CACNG4: variants seen among roughly 807,000 people sequenced by gnomAD.
CACNG4 encodes calcium voltage-gated channel auxiliary subunit gamma 4.
In CACNG4, 8 loss-of-function variants were observed where a neutral mutation model predicts 22.9. That is an observed-to-expected ratio of 0.35 (90% confidence interval 0.21 to 0.63). The LOEUF (loss-of-function observed/expected upper bound fraction) is 0.63. CACNG4 is among the 30% of genes least tolerant of loss of function. The pLI, the probability that CACNG4 is intolerant of heterozygous loss-of-function variation, is 0.72. For missense variants in CACNG4, 357 were observed against 455.4 expected (o/e 0.78, Z 1.97); for synonymous variants, 188 against 191.9 (o/e 0.98, Z 0.17).
intron 1 of CACNG4, among the ~76,000 whole-genome samples, chr17:67,007,352 AT>A (rs1204996826): frequency 6.6e-6 from 1 of 152,138 alleles, no homozygotes. Flanking sequence ...AGCATTTATT[AT>A]TTTTAGCCCC....
intron 1 of CACNG4, among the ~76,000 whole-genome samples, chr17:66,981,186 G>A (rs2035270232): frequency 6.6e-6 from 1 of 152,148 alleles, no homozygotes; most frequent in Non-Finnish European, 1.5e-5. Flanking sequence ...TTCTTAGCAA[G>A]AGTTTCAGTT....
At chr17:66,975,024 C>T (rs183717606) in intron 1 of CACNG4, among the ~76,000 whole-genome samples, 197 of 151,850 alleles carry the variant, frequency 1.3e-3, no homozygotes, top group Non-Finnish European at 2.3e-3. Context: ...CACGTCACCA[C>T]ATCCAACACG....
At chr17:67,024,503 G>A (rs1401467380) in intron 2 of CACNG4, among the ~76,000 whole-genome samples, 2 of 152,232 alleles carry the variant, frequency 1.3e-5, no homozygotes, top group African/African-American at 4.8e-5. Flanking sequence ...CGGAGACTGC[G>A]TTCATGCAAG....
At position 67,022,691 on chromosome 17, in the gene CACNG4, C is replaced by T. The variant is rs73997318; in HGVS notation, c.305-2169C>T. Among the ~76,000 whole-genome samples the T allele has an allele frequency of 3.8e-3, 576 of 152,374 alleles. 6 individuals carry two copies. The highest frequency in any genetic ancestry group is 0.013 in the African/African-American group (550 of 41,586). On this transcript the variant is annotated intron_variant, in intron 2 of 3. Transcript: ENST00000262138. The stretch of plus-strand genomic sequence containing the variant: ...GGGAGGGTGGCGCCTGCCAGTGCGG[C>T]CCGACTCACTGTCCCCTGCGGGGGC...
At chr17:66,990,766 C>T (rs963884391) in intron 1 of CACNG4, among the ~76,000 whole-genome samples, 4 of 152,016 alleles carry the variant, frequency 2.6e-5, no homozygotes, top group African/African-American at 7.2e-5. Context: ...CTGCAAGCTC[C>T]GCCTCACGGA....
At chr17:67,007,954 C>T (rs2035446950) in intron 1 of CACNG4, among the ~76,000 whole-genome samples, 2 of 152,126 alleles carry the variant, frequency 1.3e-5, no homozygotes. Context: ...AGGAGTGGCT[C>T]ACGTCACTTC....
Position 66,984,917 on chromosome 17 carries a change from T to C in CACNG4, c.220+19786T>C, listed in dbSNP as rs185543216. The stretch of plus-strand genomic sequence containing the variant: ...GCTGACAACAAGCCCAGTGTCATTC[T>C]GCTCACCTCGACCTCATCCTTGGGG... On this transcript the variant is annotated intron_variant, in intron 1 of 3. Coordinates refer to ENST00000262138, the MANE Select transcript of CACNG4 (RefSeq NM_014405.4). The surrounding 1 kb of genome is among the most constrained non-coding windows in gnomAD (Gnocchi z 4.0). Among the ~76,000 whole-genome samples, 55 of 152,314 alleles carry C rather than the reference T, an allele frequency of 3.6e-4. No individual in the cohort carries two copies. Among genetic ancestry groups the C allele is most frequent in the Admixed American group, 2.7e-3 (42 of 15,300 alleles).
intron 1 of CACNG4, among the ~76,000 whole-genome samples, chr17:67,017,832 C>T (rs959122236): frequency 2.6e-5 from 4 of 151,996 alleles, no homozygotes; most frequent in Non-Finnish European, 5.9e-5. Flanking sequence ...TTATTTTTTT[C>T]AAGATGCGGC....
intron 1 of CACNG4, among the ~76,000 whole-genome samples, chr17:66,985,590 C>A (rs2035300783): frequency 6.6e-6 from 1 of 152,152 alleles, no homozygotes; most frequent in African/African-American, 2.4e-5. Context: ...TGTAAGAGTT[C>A]CCCAGGCAGG....
At chr17:66,980,382 C>T (rs759152648) in intron 1 of CACNG4, among the ~76,000 whole-genome samples, 11 of 152,120 alleles carry the variant, frequency 7.2e-5, no homozygotes, top group South Asian at 2.1e-4. Flanking sequence ...AAAGCTGTGT[C>T]GTGAGAGGCC....
At chr17:67,009,852 T>G (rs1210620654) in intron 1 of CACNG4, among the ~76,000 whole-genome samples, 1 of 151,528 alleles carries the variant, frequency 6.6e-6, no homozygotes, top group Non-Finnish European at 1.5e-5. Flanking sequence ...CATCATCACC[T>G]CAGGGTTAGG....
At chr17:67,025,497 C>T (rs563060301) in intron 3 of CACNG4, among the ~76,000 whole-genome samples, 1 of 152,344 alleles carries the variant, frequency 6.6e-6, no homozygotes, top group Admixed American at 6.5e-5. Context: ...GCATGAGTGG[C>T]CGTCTTGCAG....
chr17:66,993,166 G>C (rs926412572), intron 1 of CACNG4, among the ~76,000 whole-genome samples: 1 of 152,266 alleles, frequency 6.6e-6, no homozygotes, highest in Non-Finnish European at 1.5e-5. Flanking sequence ...ACGGTGGCTC[G>C]TGTGGGCCTG....
At chr17:66,967,096 ACTCCTC>A (rs2035175498) in intron 1 of CACNG4, among the ~76,000 whole-genome samples, 1 of 151,744 alleles carries the variant, frequency 6.6e-6, no homozygotes, top group East Asian at 1.9e-4. Flanking sequence ...TCTGAAACTA[ACTCCTC>A]CCCGCCAGCA....
At chr17:66,999,048 T>A (rs1311352734) in intron 1 of CACNG4, among the ~76,000 whole-genome samples, 1 of 152,132 alleles carries the variant, frequency 6.6e-6, no homozygotes, top group African/African-American at 2.4e-5. Flanking sequence ...TGAAGGATGA[T>A]GGCTTGGGTT....
chr17:66,981,457 G>A (rs1369592356), intron 1 of CACNG4, among the ~76,000 whole-genome samples: 1 of 152,198 alleles, frequency 6.6e-6, no homozygotes, highest in Non-Finnish European at 1.5e-5. Context: ...CATCTCTGGA[G>A]GAAAGGGAAG....
chr17:66,974,329 C>T (rs1280006591), intron 1 of CACNG4, among the ~76,000 whole-genome samples: 3 of 152,188 alleles, frequency 2.0e-5, no homozygotes, highest in African/African-American at 7.2e-5. Flanking sequence ...CCAGCTCTTC[C>T]TGAAACAGAG....
intron 1 of CACNG4, among the ~76,000 whole-genome samples, chr17:66,979,451 C>G (rs147196143): frequency 1.3e-5 from 2 of 152,268 alleles, no homozygotes; most frequent in African/African-American, 4.8e-5. Context: ...GCCAAAAACC[C>G]ACAGATGTGG....
chr17:67,004,748 G>C (rs980821690), intron 1 of CACNG4, among the ~76,000 whole-genome samples: 1 of 151,948 alleles, frequency 6.6e-6, no homozygotes, highest in African/African-American at 2.4e-5. Context: ...TTTAAGACAG[G>C]GTCTCAGTCC....
Sources: allele counts gnomAD v4.1 joint callset (sites outside exome capture counted in the v4.1 genomes callset), GRCh38; gene constraint gnomAD v4.1.1; non-coding constraint Gnocchi (gnomAD v3.1); transcripts MANE v1.5; gene names NCBI Gene and HGNC (gene_info 2026-07-23, HGNC 2026-07-21).